SDK1: variants seen among roughly 807,000 people sequenced by gnomAD.
SDK1 encodes the protein protein sidekick-1.
SDK1 carries 157 observed loss-of-function variants against 245.5 expected under a neutral mutation model. The ratio of observed to expected loss-of-function variants is 0.64; its 90% CI spans 0.56 to 0.73. SDK1 has a LOEUF of 0.73. Among genes scored for constraint, SDK1 ranks in the 30% least tolerant of loss-of-function variants. The pLI is 0.00. For missense variants in SDK1, 3,583 were observed against 3,002.3 expected (o/e 1.19, Z -4.52); for synonymous variants, 1,647 against 1,278.5 (o/e 1.29, Z -6.15).
chr7:3,357,281 C>T (rs908776735), intron 1 of SDK1, among the ~76,000 whole-genome samples: 1 of 133,876 alleles, frequency 7.5e-6, no homozygotes, highest in Non-Finnish European at 1.6e-5. Flanking sequence ...AGGAATTTGG[C>T]ATTTTATGTT....
chr7:3,818,897 C>A (rs1583446601), intron 4 of SDK1, among the ~76,000 whole-genome samples: 1 of 152,144 alleles, frequency 6.6e-6, no homozygotes, highest in Non-Finnish European at 1.5e-5. Flanking sequence ...GGGAATGGGG[C>A]CAGCTCTCTT....
intron 22 of SDK1, among the ~76,000 whole-genome samples, chr7:4,097,203 C>T (rs918147167): frequency 6.6e-6 from 1 of 150,396 alleles, no homozygotes; most frequent in Non-Finnish European, 1.5e-5. Context: ...ACAAAGATGG[C>T]AAGACGGCCT....
chr7:3,311,304 G>C (rs540548760), intron 1 of SDK1, among the ~76,000 whole-genome samples: 2 of 152,296 alleles, frequency 1.3e-5, no homozygotes, highest in East Asian at 3.9e-4. Context: ...CTTGCTTAGA[G>C]AGGTAAATAG....
rs547758031 is a variant in SDK1 at position 4,267,020 on chromosome 7, C to G, written c.*1636C>G. On this transcript the variant is annotated 3_prime_UTR_variant, in exon 45 of 45. Coordinates refer to ENST00000404826, the MANE Select transcript of SDK1 (RefSeq NM_152744.4). The stretch of plus-strand genomic sequence containing the variant: ...CTGCTTACCTAGATGTTTTGTGCAC[C>G]TCCATGGGCAGAGGGTGTGGATATT... 4.3e-4 allele frequency: 422 copies of G among 985,600 alleles called. 2 individuals are homozygous for G. In the African/African-American group the frequency reaches 7.0e-3, roughly 16 times the overall value. 61.1% of individuals were successfully genotyped at this position (985,600 alleles called of 1,614,324 possible). A position where few individuals can be genotyped will look rare whatever the true frequency, so the allele number is the denominator to read the frequency against.
intron 9 of SDK1, among the ~76,000 whole-genome samples, chr7:3,964,821 C>T (rs558357857): frequency 6.6e-6 from 1 of 152,278 alleles, no homozygotes; most frequent in South Asian, 2.1e-4. Context: ...AGGAGACTGA[C>T]CAGGTGTGTA....
intron 17 of SDK1, among the ~76,000 whole-genome samples, chr7:4,040,417 G>A (rs112233724): frequency 0.02 from 3,090 of 152,252 alleles, 98 homozygotes; most frequent in African/African-American, 0.071. Context: ...ACCACATTGT[G>A]AAGCGGCATT....
At chr7:3,596,715 A>G (rs1474526987) in intron 1 of SDK1, among the ~76,000 whole-genome samples, 1 of 152,218 alleles carries the variant, frequency 6.6e-6, no homozygotes, top group African/African-American at 2.4e-5. Context: ...TAAAAGAAGA[A>G]CTTCAGACAA....
chr7:3,580,436 AAGAC>A (rs1411413751), intron 1 of SDK1, among the ~76,000 whole-genome samples: 1 of 152,324 alleles, frequency 6.6e-6, no homozygotes, highest in East Asian at 1.9e-4. Context: ...TACTTGTACA[AAGAC>A]AGACACATAG....
At chr7:3,383,166 A>G (rs1466839608) in intron 1 of SDK1, among the ~76,000 whole-genome samples, 1 of 152,160 alleles carries the variant, frequency 6.6e-6, no homozygotes, top group Non-Finnish European at 1.5e-5. Flanking sequence ...AATCCTGGCA[A>G]TTTGAAAGGC....
chr7:4,083,259 C>G (rs75874730), intron 22 of SDK1, among the ~76,000 whole-genome samples: 451 of 152,192 alleles, frequency 3.0e-3, no homozygotes, highest in African/African-American at 0.01. Flanking sequence ...CCCACTATCC[C>G]TCCCTACCAA....
chr7:3,492,222 ATTG>A (rs1264384757), intron 1 of SDK1, among the ~76,000 whole-genome samples: 3 of 152,234 alleles, frequency 2.0e-5, no homozygotes, highest in African/African-American at 7.2e-5. Flanking sequence ...CTCTGCTAAA[ATTG>A]TTATGTGCTA....
At chr7:3,803,479 T>C (rs1438157575) in intron 4 of SDK1, among the ~76,000 whole-genome samples, 2 of 151,538 alleles carry the variant, frequency 1.3e-5, no homozygotes, top group Non-Finnish European at 2.9e-5. Context: ...CCTGATTAAT[T>C]TTTGTATTTT....
chr7:4,029,222 T>TG (rs1401250867), intron 17 of SDK1, among the ~76,000 whole-genome samples: 1 of 128,856 alleles, frequency 7.8e-6, no homozygotes, highest in African/African-American at 4.2e-5. Flanking sequence ...TTCTTTTTTT[T>TG]TTTTTTTGTG....
intron 1 of SDK1, among the ~76,000 whole-genome samples, chr7:3,491,705 C>T (rs76780352): frequency 6.6e-6 from 1 of 152,166 alleles, no homozygotes; most frequent in Admixed American, 6.5e-5. Flanking sequence ...TAGCTATTGT[C>T]TCTTTGCTCT....
intron 4 of SDK1, among the ~76,000 whole-genome samples, chr7:3,725,426 C>A (rs1778979380): frequency 6.6e-6 from 1 of 152,162 alleles, no homozygotes; most frequent in East Asian, 1.9e-4. Flanking sequence ...GCAATCAGAA[C>A]ATTGTGTAGG....
chr7:3,681,630 T>C (rs1260280055), intron 4 of SDK1, among the ~76,000 whole-genome samples: 1 of 152,362 alleles, frequency 6.6e-6, no homozygotes, highest in East Asian at 1.9e-4. Context: ...GTGTCTCCCA[T>C]CACTAAAATA....
chr7:3,624,634 CT>C (rs778890285), intron 2 of SDK1, among the ~76,000 whole-genome samples: 5 of 151,986 alleles, frequency 3.3e-5, no homozygotes, highest in African/African-American at 9.7e-5. Context: ...TGGGGAGGAA[CT>C]TTTTTTTCTA....
rs1318716189 is a variant in SDK1, at chr7:4,124,232, T to A, written c.3824-3149T>A. On this transcript the variant is annotated intron_variant, in intron 25 of 44. Transcript: ENST00000404826. Reference sequence around the variant, plus strand: ...AGACTGTGTTCGTGTCATAGCAGAATGCCCCAAACGGGGTGGCTTAAATGA... The same window carrying A: ...AGACTGTGTTCGTGTCATAGCAGAAAGCCCCAAACGGGGTGGCTTAAATGA... 2.0e-5 allele frequency among the ~76,000 whole-genome samples: 3 copies of A among 152,218 alleles called. No homozygotes were observed. In the East Asian group the frequency reaches 5.8e-4, roughly 29 times the overall value.
chr7:3,950,116 G>T (rs76628459), intron 5 of SDK1, among the ~76,000 whole-genome samples: 1 of 152,152 alleles, frequency 6.6e-6, no homozygotes, highest in Non-Finnish European at 1.5e-5. Context: ...TTTAAATAAA[G>T]CCCCTCAGCC....
Sources: gnomAD v4.1 joint callset for allele counts (sites outside exome capture counted in the v4.1 genomes callset) on GRCh38, gnomAD v4.1.1 for gene constraint, MANE v1.5 for transcripts, NCBI Gene and HGNC (gene_info 2026-07-23, HGNC 2026-07-21) for gene names.